Variants in CDH4 observed in about 807,000 individuals in gnomAD.
CDH4 encodes the protein cadherin 4.
CDH4 carries 33 observed loss-of-function variants against 86.0 expected under a neutral mutation model. The observed-to-expected ratio is 0.38, with a 90% CI of 0.29 to 0.51. The LOEUF (loss-of-function observed/expected upper bound fraction) is 0.51, where lower values mean the gene tolerates loss of function less well. Ranked by LOEUF, CDH4 falls within the 20% of genes least tolerant of loss-of-function variation. The probability of loss-of-function intolerance (pLI) is 0.86; values close to 1 mark genes in which losing one functional copy is unlikely to be tolerated. For missense variants in CDH4, 1,114 were observed against 1,307.4 expected, an observed-to-expected ratio of 0.85 and a Z score of 2.28; for synonymous variants, 555 against 549.4, an observed-to-expected ratio of 1.01 and a Z score of -0.14.
chr20:61,474,630 T>C (rs2085524612), intron 2 of CDH4, among the ~76,000 whole-genome samples: 1 of 152,174 alleles, frequency 6.6e-6, no homozygotes, highest in East Asian at 1.9e-4. Context: ...TTTATAATCA[T>C]TGTGCCATGG....
At chr20:61,395,745 A>T (rs1006843019) in intron 2 of CDH4, among the ~76,000 whole-genome samples, 1 of 152,218 alleles carries the variant, frequency 6.6e-6, no homozygotes. Context: ...GCGTCACCGC[A>T]TTCCAGCCCG....
chr20:61,307,590 C>A (rs1242622684), intron 2 of CDH4, among the ~76,000 whole-genome samples: 1 of 152,242 alleles, frequency 6.6e-6, no homozygotes, highest in Non-Finnish European at 1.5e-5. Context: ...TCGAAGAAGT[C>A]CCTGCCCCAT....
chr20:61,444,273 G>GTC (rs2085331048), intron 2 of CDH4, among the ~76,000 whole-genome samples: 1 of 42,002 alleles, frequency 2.4e-5, no homozygotes. Context: ...GTGTGTGTGT[G>GTC]TATGTGTATG....
chr20:61,832,061 G>A (rs563336121), intron 4 of CDH4, among the ~76,000 whole-genome samples: 1 of 152,254 alleles, frequency 6.6e-6, no homozygotes, highest in South Asian at 2.1e-4. Context: ...TGCCAACCCA[G>A]GCCTGGTAGA....
chr20:61,401,962 A>T (rs1225190098), intron 2 of CDH4, among the ~76,000 whole-genome samples: 1 of 152,218 alleles, frequency 6.6e-6, no homozygotes, highest in African/African-American at 2.4e-5. Context: ...GGACTTCTAT[A>T]ACCATCTTGT....
At position 61,650,865 on chromosome 20, in the gene CDH4, G is replaced by C. The variant is rs4925266; in HGVS notation, c.170-92698G>C. Among the ~76,000 whole-genome samples, 6 of 152,138 alleles carry C rather than the reference G, an allele frequency of 3.9e-5. No individual in the cohort carries two copies. In the East Asian group the frequency reaches 1.2e-3, roughly 29 times the overall value. ...TATTTCATGTAGATATTAGCAGGGG[G>C]TTTAATCAACACTTCCATACACAGA... On this transcript the variant is annotated intron_variant, in intron 2 of 15. Coordinates refer to ENST00000614565, the MANE Select transcript of CDH4 (RefSeq NM_001794.5).
At chr20:61,560,949 G>A (rs771692036) in intron 2 of CDH4, among the ~76,000 whole-genome samples, 6 of 152,326 alleles carry the variant, frequency 3.9e-5, no homozygotes, top group Non-Finnish European at 5.9e-5. Flanking sequence ...GTGACCAGCC[G>A]TTTATACCCA....
At chr20:61,750,031 A>C (rs1193496845) in intron 3 of CDH4, among the ~76,000 whole-genome samples, 3 of 152,180 alleles carry the variant, frequency 2.0e-5, no homozygotes, top group Non-Finnish European at 2.9e-5. Flanking sequence ...ACTGCACTCT[A>C]GCCTGGGCAA....
At chr20:61,281,935 A>T (rs528905869) in intron 2 of CDH4, among the ~76,000 whole-genome samples, 1 of 152,178 alleles carries the variant, frequency 6.6e-6, no homozygotes, top group Non-Finnish European at 1.5e-5. Context: ...GAAAATTCCA[A>T]ACCGATGTGA....
intron 2 of CDH4, among the ~76,000 whole-genome samples, chr20:61,466,705 G>T (rs1489971792): frequency 3.9e-5 from 6 of 152,120 alleles, no homozygotes; most frequent in African/African-American, 1.4e-4. Context: ...TAAAAAAATA[G>T]CTGGGCATGG....
At chr20:61,254,135 C>T (rs1490795084) in intron 1 of CDH4, among the ~76,000 whole-genome samples, 2 of 152,208 alleles carry the variant, frequency 1.3e-5, no homozygotes, top group Non-Finnish European at 2.9e-5. Flanking sequence ...GAGGAGACCC[C>T]CTTTCCGGTC....
intron 7 of CDH4, among the ~76,000 whole-genome samples, chr20:61,882,312 C>G (rs545494389): frequency 6.6e-6 from 1 of 152,246 alleles, no homozygotes; most frequent in Non-Finnish European, 1.5e-5. Context: ...GAGGAAGGAG[C>G]GGGGATTTCA....
chr20:61,929,997 TCCATATGA>T (rs1298913061), intron 13 of CDH4, among the ~76,000 whole-genome samples, 155 bp downstream of exon 13: 1 of 152,232 alleles, frequency 6.6e-6, no homozygotes. Flanking sequence ...GCTGAACTGG[TCCATATGA>T]CAATGGGAAA....
At chr20:61,596,873 G>A (rs895802191) in intron 2 of CDH4, among the ~76,000 whole-genome samples, 8 of 152,068 alleles carry the variant, frequency 5.3e-5, no homozygotes, top group Admixed American at 2.6e-4. Flanking sequence ...CCTGTGACCC[G>A]CCCACCTTTA....
At chr20:61,371,405 A>C (rs1186460528) in intron 2 of CDH4, among the ~76,000 whole-genome samples, 1 of 152,318 alleles carries the variant, frequency 6.6e-6, no homozygotes, top group African/African-American at 2.4e-5. Flanking sequence ...ACCTCAATAC[A>C]CACGACTTGT....
At chr20:61,275,973 TGG>T (rs2084229301) in intron 2 of CDH4, among the ~76,000 whole-genome samples, 1 of 152,184 alleles carries the variant, frequency 6.6e-6, no homozygotes. Context: ...TTGATAAGGC[TGG>T]CCGCCTGGCA....
At chr20:61,830,764 G>A (rs922492718) in intron 4 of CDH4, among the ~76,000 whole-genome samples, 12 of 152,238 alleles carry the variant, frequency 7.9e-5, no homozygotes, top group Admixed American at 3.3e-4. Flanking sequence ...TTCACTCCGC[G>A]GTCATTTACT....
intron 2 of CDH4, among the ~76,000 whole-genome samples, chr20:61,384,309 C>A (rs1202445302): frequency 6.6e-6 from 1 of 152,134 alleles, no homozygotes; most frequent in Non-Finnish European, 1.5e-5. Context: ...CCAGGAGGAA[C>A]CATGAGTGTA....
In CDH4 at chr20:61,587,224, G is replaced by A. The variant is rs1173850984; in HGVS notation, c.170-156339G>A. 3.3e-5 allele frequency among the ~76,000 whole-genome samples: 5 copies of A among 152,290 alleles called. No individual in the cohort carries two copies. In the East Asian group the frequency reaches 7.8e-4, roughly 24 times the overall value. On this transcript the variant is annotated intron_variant, in intron 2 of 15. Transcript: ENST00000614565. ...GGAGAGTGGGAAACCCACGGGGAAGGTGAGGAAGGCTGAGCGCTTGAAGGG... is the reference window on the plus strand; with the variant it reads ...GGAGAGTGGGAAACCCACGGGGAAGATGAGGAAGGCTGAGCGCTTGAAGGG...
Sources: gnomAD v4.1 joint callset for allele counts (sites outside exome capture counted in the v4.1 genomes callset) on GRCh38, gnomAD v4.1.1 for gene constraint, MANE v1.5 for transcripts, NCBI Gene and HGNC (gene_info 2026-07-23, HGNC 2026-07-21) for gene names.